Variants in WNT11 observed in about 807,000 individuals in gnomAD.
WNT11 encodes Wnt family member 11.
In WNT11, 20 loss-of-function variants were observed where a neutral mutation model predicts 35.6. The observed-to-expected ratio is 0.56, with a 90% confidence interval of 0.40 to 0.82. WNT11 has a LOEUF of 0.82. Among genes scored for constraint, WNT11 ranks in the 40% least tolerant of loss-of-function variants. WNT11 has a pLI of 0.00. For synonymous variants in WNT11, 200 were observed against 211.9 expected, an observed-to-expected ratio of 0.94 and a Z score of 0.49; for missense variants, 459 against 504.4, an observed-to-expected ratio of 0.91 and a Z score of 0.86.
chr11:76,190,287 G>T (rs1196056940), intron 4 of WNT11, among the ~76,000 whole-genome samples: 3 of 152,068 alleles, frequency 2.0e-5, no homozygotes, highest in Non-Finnish European at 4.4e-5. Context: ...TCACTCTCGG[G>T]TCCTCCGTGG....
At position 76,186,614 on chromosome 11, in the gene WNT11, A is replaced by G. The variant is rs565129214; in HGVS notation, c.*451T>C. ...AAGAAAAAGCAAAAAACAAAAGAAA[A>G]CATTTACAACCCAAGCTAGTGATTC... On this transcript the variant is annotated 3_prime_UTR_variant, in exon 5 of 5. Transcript: ENST00000322563. 4.0e-5 allele frequency: 8 copies of G among 201,794 alleles called. No individual in the cohort carries two copies. The highest frequency in any genetic ancestry group is 1.8e-4 in the African/African-American group (8 of 44,156). 12.5% of individuals were successfully genotyped at this position (201,794 alleles called of 1,614,324 possible).
chr11:76,196,875 C>A (rs563922149), intron 1 of WNT11, among the ~76,000 whole-genome samples, 157 bp from the exon 2 acceptor site: 4 of 152,382 alleles, frequency 2.6e-5, no homozygotes, highest in African/African-American at 9.6e-5. Context: ...AAACTGTCAG[C>A]TGGCAGAGCA....
intron 1 of WNT11, among the ~76,000 whole-genome samples, chr11:76,204,928 A>G (rs1009417644): frequency 6.6e-6 from 1 of 152,110 alleles, no homozygotes; most frequent in Non-Finnish European, 1.5e-5. Context: ...GGACCTTAGT[A>G]TCCTTATCTG....
intron 1 of WNT11, among the ~76,000 whole-genome samples, chr11:76,197,782 G>A (rs1030884755): frequency 1.3e-5 from 2 of 152,026 alleles, no homozygotes; most frequent in African/African-American, 4.8e-5. Context: ...AAGACTCTAG[G>A]ACCAGGCCCC....
At chr11:76,192,475 A>G (rs910784620) in intron 3 of WNT11, among the ~76,000 whole-genome samples, 1 of 152,156 alleles carries the variant, frequency 6.6e-6, no homozygotes, top group East Asian at 1.9e-4. Context: ...CTGCCAGGCC[A>G]CCCTCAGCAA....
At chr11:76,200,765 C>T (rs1350080287) in intron 1 of WNT11, among the ~76,000 whole-genome samples, 1 of 152,252 alleles carries the variant, frequency 6.6e-6, no homozygotes, top group Non-Finnish European at 1.5e-5. Flanking sequence ...CCTCGCCCAA[C>T]TTTCTTCCCG....
At chr11:76,187,320 CG>C (rs1210887422) in intron 4 of WNT11, 81 bp from the exon 5 acceptor site, 6 of 1,381,814 alleles carry the variant, frequency 4.3e-6, no homozygotes, top group Non-Finnish European at 5.7e-6. Flanking sequence ...GCCAGGCAGC[CG>C]GCAGCGTCTC....
At chr11:76,206,516 G>A, upstream of WNT11, 2 of 1,239,736 alleles carry the variant, frequency 1.6e-6, no homozygotes, top group Non-Finnish European at 2.0e-6. Flanking sequence ...CGGGGAGAGC[G>A]GAGGCGGCGG....
chr11:76,208,810 G>A (rs1369404189), upstream of WNT11, among the ~76,000 whole-genome samples: 1 of 152,202 alleles, frequency 6.6e-6, no homozygotes, highest in Non-Finnish European at 1.5e-5. Flanking sequence ...CGTCGCGCGG[G>A]GAGGCAGCGC....
rs73500087 is a variant in WNT11 at position 76,190,108 on chromosome 11, G to T, written c.890+1456C>A. On this transcript the variant is annotated intron_variant, in intron 4 of 4. Coordinates refer to ENST00000322563, the MANE Select transcript of WNT11 (RefSeq NM_004626.3). ...GAGAGGGGAGATGCTAGGTAAGTGC[G>T]CTTGGAGATCACTCGACAACCCTGT... Among the ~76,000 whole-genome samples, 813 of 152,118 alleles carry T rather than the reference G, an allele frequency of 5.3e-3. 11 individuals carry two copies. The highest frequency in any genetic ancestry group is 0.019 in the African/African-American group (773 of 41,476).
At chr11:76,206,245 G>T in intron 1 of WNT11, 80 bp downstream of exon 1, 2 of 1,257,436 alleles carry the variant, frequency 1.6e-6, no homozygotes, top group Non-Finnish European at 2.1e-6. Context: ...TGGTGCGCTC[G>T]CCCCATCCAG....
intron 4 of WNT11, among the ~76,000 whole-genome samples, chr11:76,190,477 C>T (rs1004165763): frequency 2.6e-5 from 4 of 152,072 alleles, no homozygotes; most frequent in Middle Eastern, 3.2e-3. Flanking sequence ...AGCCTGCTGC[C>T]CTGGCCTGTG....
At chr11:76,192,858 C>A (rs1176731174) in intron 3 of WNT11, among the ~76,000 whole-genome samples, 1 of 152,228 alleles carries the variant, frequency 6.6e-6, no homozygotes, top group African/African-American at 2.4e-5. Context: ...CCAGGCCTAC[C>A]CTCCTGCCTC....
At chr11:76,189,852 G>A (rs1953154673) in intron 4 of WNT11, among the ~76,000 whole-genome samples, 1 of 152,222 alleles carries the variant, frequency 6.6e-6, no homozygotes, top group Non-Finnish European at 1.5e-5. Context: ...CTGAGAAATT[G>A]GGGGTGTTTG....
intron 1 of WNT11, among the ~76,000 whole-genome samples, chr11:76,205,463 T>C (rs596339): frequency 0.64 from 96,895 of 152,138 alleles, 31,107 homozygotes; most frequent in East Asian, 0.81. Flanking sequence ...AGGCACAGCC[T>C]CGGAAAAGCT....
At chr11:76,191,444 G>T in intron 4 of WNT11, 120 bp downstream of exon 4, 1 of 1,191,718 alleles carries the variant, frequency 8.4e-7, no homozygotes, top group Non-Finnish European at 1.2e-6. Flanking sequence ...TCTCTCAACT[G>T]AGCAGGGTCT....
chr11:76,197,557 G>T (rs754755436), intron 1 of WNT11, among the ~76,000 whole-genome samples: 7 of 152,188 alleles, frequency 4.6e-5, no homozygotes, highest in Non-Finnish European at 1.5e-5. Flanking sequence ...TAAAGGTCCT[G>T]AGAAGTCCTG....
At chr11:76,191,530 G>A in intron 4 of WNT11, 34 bp downstream of exon 4, 1 of 1,595,720 alleles carries the variant, frequency 6.3e-7, no homozygotes, top group Non-Finnish European at 8.6e-7. Context: ...CAACACCAGT[G>A]ACCCTTTCCC....
intron 1 of WNT11, among the ~76,000 whole-genome samples, chr11:76,199,564 G>A (rs1356640467): frequency 6.6e-6 from 1 of 152,126 alleles, no homozygotes; most frequent in Non-Finnish European, 1.5e-5. Flanking sequence ...CAGCAATTTG[G>A]GAGGCTGAGG....
Sources: allele counts gnomAD v4.1 joint callset (sites outside exome capture counted in the v4.1 genomes callset), GRCh38; gene constraint gnomAD v4.1.1; transcripts MANE v1.5; gene names NCBI Gene and HGNC (gene_info 2026-07-23, HGNC 2026-07-21).